Variants in ERICH1 observed in about 807,000 individuals in gnomAD.
The protein encoded by ERICH1 is glutamate-rich protein 1.
In ERICH1, 56 loss-of-function variants were observed where a neutral mutation model predicts 39.6. The observed-to-expected ratio is 1.41, with a 90% CI of 1.14 to 1.77. The LOEUF is 1.77. Ranked by LOEUF, ERICH1 falls within the 40% of genes most tolerant of loss-of-function variation. The pLI, the probability that ERICH1 is intolerant of heterozygous loss-of-function variation, is 0.00. For missense variants in ERICH1, 826 were observed against 575.4 expected (o/e 1.44, Z -4.45); for synonymous variants, 313 against 223.6 (o/e 1.40, Z -3.57).
intron 2 of ERICH1, among the ~76,000 whole-genome samples, chr8:708,321 A>G (rs1419802564): frequency 6.6e-6 from 1 of 152,220 alleles, no homozygotes; most frequent in Non-Finnish European, 1.5e-5. Context: ...ATACGTCCAC[A>G]CCAGGCCACA....
chr8:717,618 C>T (rs1816311252), intron 1 of ERICH1, among the ~76,000 whole-genome samples: 1 of 152,238 alleles, frequency 6.6e-6, no homozygotes, highest in African/African-American at 2.4e-5. Flanking sequence ...TATCCAACAT[C>T]TTCATAAGCC....
At chr8:731,107 G>A in intron 1 of ERICH1, 33 bp downstream of exon 1, 2 of 1,467,658 alleles carry the variant, frequency 1.4e-6, no homozygotes, top group Non-Finnish European at 1.8e-6. Flanking sequence ...CGGGTCTGGG[G>A]TCTGGGCAGG....
chr8:712,464 C>G (rs1477766203), intron 2 of ERICH1, among the ~76,000 whole-genome samples: 1 of 152,096 alleles, frequency 6.6e-6, no homozygotes, highest in Non-Finnish European at 1.5e-5. Context: ...GAGTCTTGCT[C>G]TGTTGCCCAG....
intron 3 of ERICH1, among the ~76,000 whole-genome samples, chr8:658,381 G>A (rs946211757): frequency 7.9e-5 from 12 of 152,164 alleles, no homozygotes; most frequent in Admixed American, 1.3e-4. Flanking sequence ...CCAGAGCCCC[G>A]GAAGGGGGTG....
chr8:694,598 C>T (rs752092767), intron 2 of ERICH1, among the ~76,000 whole-genome samples: 17 of 152,186 alleles, frequency 1.1e-4, no homozygotes, highest in East Asian at 3.9e-4. Flanking sequence ...ACTTCTAAGC[C>T]GCAAGTGGCA....
chr8:678,086 T>C (rs1169258209), intron 3 of ERICH1, among the ~76,000 whole-genome samples: 1 of 152,192 alleles, frequency 6.6e-6, no homozygotes. Flanking sequence ...AAATGTTAAG[T>C]TTGTCATATT....
intron 1 of ERICH1, among the ~76,000 whole-genome samples, chr8:726,750 G>A (rs553251261): frequency 4.1e-5 from 6 of 147,746 alleles, no homozygotes; most frequent in East Asian, 4.0e-4. Context: ...GCATGTACAC[G>A]CACACCACAC....
intron 3 of ERICH1, among the ~76,000 whole-genome samples, chr8:637,888 C>T (rs1798573251): frequency 6.6e-6 from 1 of 152,216 alleles, no homozygotes; most frequent in Non-Finnish European, 1.5e-5. Flanking sequence ...ATGTAGCCTG[C>T]TCTGGCCACT....
Position 709,442 on chromosome 8 carries a change from G to C in ERICH1, c.169+6419C>G, listed in dbSNP as rs75943177. Among the ~76,000 whole-genome samples, 1,168 of 152,274 alleles carry C rather than the reference G, an allele frequency of 7.7e-3. 51 individuals carry two copies. In the East Asian group the frequency reaches 0.13, roughly 17 times the overall value. On this transcript the variant is annotated intron_variant, in intron 2 of 5. Transcript: ENST00000262109. ...GCCCACCAATCCTGATTCTGTATTG[G>C]CACCTCCACCTGGACACGGCTCCAA...
At chr8:702,078 A>AG (rs1331225852) in intron 2 of ERICH1, among the ~76,000 whole-genome samples, 25 of 16,204 alleles carry the variant, frequency 1.5e-3, no homozygotes, top group African/African-American at 2.7e-3. Flanking sequence ...CTACATCTCA[A>AG]AAAAAAAAAA....
chr8:671,429 G>T (rs1246099752), intron 4 of ERICH1, among the ~76,000 whole-genome samples: 2 of 141,972 alleles, frequency 1.4e-5, no homozygotes, highest in Middle Eastern at 7.0e-3. Context: ...GAACCTGCCG[G>T]CCCCGGCTCT....
At chr8:616,499 G>A (rs1796905818) in intron 3 of ERICH1, 1 of 455,994 alleles carries the variant, frequency 2.2e-6, no homozygotes, top group African/African-American at 2.0e-5. Context: ...CCAGAGCACT[G>A]CTCCCAGGAA....
intron 3 of ERICH1, among the ~76,000 whole-genome samples, chr8:648,266 G>A (rs1378629384): frequency 1.5e-5 from 1 of 65,814 alleles, no homozygotes; most frequent in East Asian, 3.1e-4. Context: ...TTTTCTTTAC[G>A]GATGAACCAG....
At chr8:640,988 C>T (rs1301786794) in intron 3 of ERICH1, 1 of 152,186 alleles carries the variant, frequency 6.6e-6, no homozygotes, top group Non-Finnish European at 1.5e-5. Context: ...GATAGTTCAG[C>T]TCACTTTTCT....
intron 2 of ERICH1, among the ~76,000 whole-genome samples, chr8:701,301 C>T (rs1378481686): frequency 2.0e-5 from 3 of 152,024 alleles, no homozygotes; most frequent in Non-Finnish European, 4.4e-5. Flanking sequence ...GACGGGAGCA[C>T]GCCATACCTA....
intron 3 of ERICH1, among the ~76,000 whole-genome samples, chr8:621,815 C>T (rs1217632271): frequency 1.3e-5 from 2 of 152,242 alleles, no homozygotes; most frequent in East Asian, 3.9e-4. Flanking sequence ...ATAATATCAA[C>T]AATTATGAGC....
intron 2 of ERICH1, among the ~76,000 whole-genome samples, chr8:715,199 C>G (rs1815607677): frequency 6.6e-6 from 1 of 151,906 alleles, no homozygotes; most frequent in South Asian, 2.1e-4. Context: ...GTGGTCCACC[C>G]AGGTGGTCTC....
intron 3 of ERICH1, among the ~76,000 whole-genome samples, chr8:685,579 C>T (rs1307186085): frequency 6.6e-6 from 1 of 152,028 alleles, no homozygotes; most frequent in Non-Finnish European, 1.5e-5. Context: ...TCAGAGATTG[C>T]AATAAAGACA....
At chr8:722,862 C>A (rs1817644283) in intron 1 of ERICH1, among the ~76,000 whole-genome samples, 1 of 152,186 alleles carries the variant, frequency 6.6e-6, no homozygotes, top group Non-Finnish European at 1.5e-5. Context: ...CCGATAGGAC[C>A]ACATGCTTAC....
Sources: gnomAD v4.1 joint callset for allele counts (sites outside exome capture counted in the v4.1 genomes callset) on GRCh38, gnomAD v4.1.1 for gene constraint, MANE v1.5 for transcripts, NCBI Gene and HGNC (gene_info 2026-07-23, HGNC 2026-07-21) for gene names.